TTC7B: variants seen among roughly 807,000 people sequenced by gnomAD.
The protein encoded by TTC7B is tetratricopeptide repeat domain 7B.
TTC7B carries 28 observed loss-of-function variants against 106.8 expected under a neutral mutation model. That is an observed-to-expected ratio of 0.26 (90% CI 0.19 to 0.36). The LOEUF is 0.36. TTC7B is among the 10% of genes least tolerant of loss of function. The pLI, the probability that TTC7B is intolerant of heterozygous loss-of-function variation, is 1.00. For missense variants in TTC7B, 862 were observed against 1,076.4 expected (o/e 0.80, Z 2.79); for synonymous variants, 405 against 430.6 (o/e 0.94, Z 0.74).
chr14:90,614,620 G>A (rs1892996666), intron 16 of TTC7B, among the ~76,000 whole-genome samples: 2 of 152,234 alleles, frequency 1.3e-5, no homozygotes, highest in Admixed American at 6.5e-5. Flanking sequence ...TTAGGCCTGG[G>A]GCTGAATCAC....
chr14:90,760,681 C>T (rs749396225), intron 3 of TTC7B, among the ~76,000 whole-genome samples: 14 of 152,230 alleles, frequency 9.2e-5, no homozygotes, highest in Non-Finnish European at 2.1e-4. Flanking sequence ...CCCTGGGGGG[C>T]ATTGTGCTTA....
chr14:90,794,484 C>T (rs1891706396), intron 1 of TTC7B, among the ~76,000 whole-genome samples: 1 of 152,020 alleles, frequency 6.6e-6, no homozygotes, highest in South Asian at 2.1e-4. Context: ...TCTCGGCCTC[C>T]CAAAGTGCTG....
chr14:90,803,387 G>A (rs1300336303), intron 1 of TTC7B, among the ~76,000 whole-genome samples: 2 of 152,106 alleles, frequency 1.3e-5, no homozygotes, highest in Non-Finnish European at 2.9e-5. Flanking sequence ...TTCACAGATG[G>A]AGCCCAACCA....
rs772134728 is a variant in TTC7B, at chr14:90,687,955, C to T, written c.950+1585G>A. 8.5e-5 allele frequency among the ~76,000 whole-genome samples: 13 copies of T among 152,240 alleles called. 1 individual carries two copies. The highest frequency in any genetic ancestry group is 3.4e-3 in the Middle Eastern group (1 of 294). On this transcript the variant is annotated intron_variant, in intron 7 of 19. Transcript: ENST00000328459. ...AGAGGTGGCAACCTTGAAGAAATGC[C>T]GACTCCTCTGAAAGTACAACAGTCA...
chr14:90,688,231 T>A (rs1266337473), intron 7 of TTC7B, among the ~76,000 whole-genome samples: 1 of 152,238 alleles, frequency 6.6e-6, no homozygotes, highest in Non-Finnish European at 1.5e-5. Context: ...GGCTCATGCC[T>A]GTAATCCCAA....
chr14:90,629,968 T>TG (rs1234866374), intron 15 of TTC7B, among the ~76,000 whole-genome samples: 1 of 151,930 alleles, frequency 6.6e-6, no homozygotes. Flanking sequence ...GGATTTAAAC[T>TG]GGGGGACACC....
At chr14:90,668,528 G>C (rs949656452) in intron 9 of TTC7B, among the ~76,000 whole-genome samples, 2 of 152,150 alleles carry the variant, frequency 1.3e-5, no homozygotes, top group African/African-American at 4.8e-5. Flanking sequence ...TTTTACATTA[G>C]AAAGCAGATT....
In TTC7B at chr14:90,608,547, G is replaced by A. The variant is rs984728981; in HGVS notation, c.1966+2195C>T. 2.6e-5 allele frequency among the ~76,000 whole-genome samples: 4 copies of A among 152,138 alleles called. No individual in the cohort carries two copies. The highest frequency in any genetic ancestry group is 2.1e-4 in the South Asian group (1 of 4,824). ...CTGACTCCAAACACCTAGGCTCTCT[G>A]GAAGTGAATGGTGGCCCACCCGAGA... On this transcript the variant is annotated intron_variant, in intron 17 of 19. Transcript: ENST00000328459. The surrounding 1 kb of genome is among the most constrained non-coding windows in gnomAD (Gnocchi z 5.1).
rs1443252656 is a variant in TTC7B, at chr14:90,578,581, C to T, written c.2108-273G>A. On this transcript the variant is annotated intron_variant, in intron 18 of 19. Coordinates refer to ENST00000328459, the MANE Select transcript of TTC7B (RefSeq NM_001010854.2). The surrounding 1 kb of genome is among the most constrained non-coding windows in gnomAD (Gnocchi z 4.7). ...AGGCCTGCCTGGTCCCTGCCCCAAC[C>T]TCTGAGGGCACCCACCCTCAGGGCC... 3.9e-5 allele frequency among the ~76,000 whole-genome samples: 6 copies of T among 152,088 alleles called. No individual in the cohort carries two copies. The highest frequency in any genetic ancestry group is 5.9e-5 in the Non-Finnish European group (4 of 68,014).
rs2139743394 is a variant in TTC7B, at chr14:90,525,274, C to T, written c.*16094G>A. 6.6e-6 allele frequency: 1 copy of T among 152,400 alleles called. No homozygotes were observed. The highest frequency in any genetic ancestry group is 1.5e-5 in the Non-Finnish European group (1 of 68,052). The allele number at this position is 152,400 out of a possible 1,614,324, so 9.4% of individuals were successfully genotyped here. ...AGATTCACCCATGTTGCTGCAGGCA[C>T]CAAGCCCCTCATATGGACAGATCAC... On this transcript the variant is annotated 3_prime_UTR_variant, in exon 20 of 20. Transcript: ENST00000328459.
Position 90,805,102 on chromosome 14 carries a change from C to G in TTC7B, c.121+11073G>C, listed in dbSNP as rs1051748202. ...CAGTCTTCGGCGTGGGACCAGGTCT[C>G]GGGTGGACGCCCACAGCCACTCCCA... On this transcript the variant is annotated intron_variant, in intron 1 of 19. Coordinates refer to ENST00000328459, the MANE Select transcript of TTC7B (RefSeq NM_001010854.2). The surrounding 1 kb of genome is among the most constrained non-coding windows in gnomAD (Gnocchi z 4.0). Among the ~76,000 whole-genome samples, 3 of 151,950 alleles carry G rather than the reference C, an allele frequency of 2.0e-5. No individual in the cohort carries two copies. Among genetic ancestry groups the G allele is most frequent in the Non-Finnish European group, 4.4e-5 (3 of 67,964 alleles).
intron 19 of TTC7B, among the ~76,000 whole-genome samples, chr14:90,560,076 G>C (rs1459182279): frequency 6.6e-6 from 1 of 152,194 alleles, no homozygotes; most frequent in Non-Finnish European, 1.5e-5. Context: ...GGGCCATTTG[G>C]CACCGTTCTT....
intron 6 of TTC7B, among the ~76,000 whole-genome samples, chr14:90,692,574 C>G (rs1329240816): frequency 6.6e-6 from 1 of 152,180 alleles, no homozygotes; most frequent in African/African-American, 2.4e-5. Flanking sequence ...TGAACAAATG[C>G]TCCATACTTA....
At chr14:90,752,315 C>G (rs558870045) in intron 3 of TTC7B, among the ~76,000 whole-genome samples, 1 of 151,972 alleles carries the variant, frequency 6.6e-6, no homozygotes, top group African/African-American at 2.4e-5. Flanking sequence ...CCCAAGAGTT[C>G]GAGACCAGCC....
At chr14:90,721,796 T>C (rs1888907741) in intron 5 of TTC7B, among the ~76,000 whole-genome samples, 2 of 152,170 alleles carry the variant, frequency 1.3e-5, no homozygotes, top group South Asian at 4.1e-4. Flanking sequence ...CAATGATACA[T>C]AAACTCCATA....
intron 18 of TTC7B, among the ~76,000 whole-genome samples, chr14:90,592,021 C>T (rs552078333): frequency 1.9e-4 from 29 of 152,330 alleles, no homozygotes; most frequent in Middle Eastern, 3.4e-3. Flanking sequence ...TGTTAATTTA[C>T]GGTAGTCATT....
intron 3 of TTC7B, among the ~76,000 whole-genome samples, chr14:90,774,601 G>A (rs1170086131): frequency 6.6e-6 from 1 of 152,208 alleles, no homozygotes; most frequent in African/African-American, 2.4e-5. Flanking sequence ...GCATCTGGCT[G>A]GAGCTGGGCA....
chr14:90,524,816 G>A lies in TTC7B; in HGVS notation c.*16552C>T, dbSNP rs1454838165. The A allele has an allele frequency of 2.6e-5, 4 of 152,024 alleles. No individual in the cohort carries two copies. The highest frequency in any genetic ancestry group is 2.1e-4 in the South Asian group (1 of 4,830). 9.4% of individuals were successfully genotyped at this position (152,024 alleles called of 1,614,324 possible). A position where few individuals can be genotyped will look rare whatever the true frequency, so the allele number is the denominator to read the frequency against. ...AGCTCTCAGGTGGTGCAAGGCACACGGGGATCCCCCACATTGCAGGTGGGG... is the reference window on the plus strand; with the variant it reads ...AGCTCTCAGGTGGTGCAAGGCACACAGGGATCCCCCACATTGCAGGTGGGG... On this transcript the variant is annotated 3_prime_UTR_variant, in exon 20 of 20. Coordinates refer to ENST00000328459, the MANE Select transcript of TTC7B (RefSeq NM_001010854.2).
chr14:90,728,655 AG>A (rs1889206750), intron 5 of TTC7B, among the ~76,000 whole-genome samples: 1 of 152,220 alleles, frequency 6.6e-6, no homozygotes, highest in African/African-American at 2.4e-5. Context: ...CCCAAAGAAC[AG>A]GCTTCAAAGA....
Sources: gnomAD v4.1 joint callset for allele counts (sites outside exome capture counted in the v4.1 genomes callset) on GRCh38, gnomAD v4.1.1 for gene constraint, Gnocchi (gnomAD v3.1) non-coding constraint, MANE v1.5 for transcripts, NCBI Gene and HGNC (gene_info 2026-07-23, HGNC 2026-07-21) for gene names.